ST6GALNAC5: variants seen among roughly 807,000 people sequenced by gnomAD.
The protein encoded by ST6GALNAC5 is ST6 N-acetylgalactosaminide alpha-2,6-sialyltransferase 5, also known as alpha-N-acetylgalactosaminide alpha-2,6-sialyltransferase 5.
A neutral mutation model predicts 33.6 loss-of-function variants in ST6GALNAC5; 27 were observed. The observed-to-expected ratio is 0.80, with a 90% CI of 0.59 to 1.11. The LOEUF (loss-of-function observed/expected upper bound fraction) is 1.11, where lower values mean the gene tolerates loss of function less well. ST6GALNAC5 is among the 50% of genes least tolerant of loss of function. The pLI is 0.00. For missense variants in ST6GALNAC5, 428 were observed against 454.0 expected (o/e 0.94, Z 0.52); for synonymous variants, 194 against 171.2 (o/e 1.13, Z -1.04).
At chr1:76,992,860 C>G (rs115457961) in intron 2 of ST6GALNAC5, among the ~76,000 whole-genome samples, 1,626 of 152,240 alleles carry the variant, frequency 0.011, 33 homozygotes, top group African/African-American at 0.037. Flanking sequence ...CTGTGTATTT[C>G]CCAAAACAGT....
At chr1:76,951,622 T>C (rs1407725692) in intron 2 of ST6GALNAC5, among the ~76,000 whole-genome samples, 1 of 152,098 alleles carries the variant, frequency 6.6e-6, no homozygotes, top group African/African-American at 2.4e-5. Flanking sequence ...ACACAAAGTA[T>C]AATAGATAAT....
At chr1:77,047,668 G>T (rs2100466305) in intron 3 of ST6GALNAC5, among the ~76,000 whole-genome samples, 1 of 152,238 alleles carries the variant, frequency 6.6e-6, no homozygotes, top group Middle Eastern at 3.4e-3. Flanking sequence ...TTGAATAAGG[G>T]TACATTAGGA....
At chr1:76,999,039 G>T (rs903528568) in intron 2 of ST6GALNAC5, among the ~76,000 whole-genome samples, 7 of 152,118 alleles carry the variant, frequency 4.6e-5, no homozygotes, top group African/African-American at 1.2e-4. Flanking sequence ...CAGACAGAGA[G>T]ATTCAATTTA....
chr1:76,958,625 T>C (rs1167855867), intron 2 of ST6GALNAC5, among the ~76,000 whole-genome samples: 4 of 152,160 alleles, frequency 2.6e-5, no homozygotes, highest in Admixed American at 6.5e-5. Context: ...TTTTTGTTTT[T>C]TAATAGTAGA....
chr1:77,029,934 T>C (rs1481623922), intron 2 of ST6GALNAC5, among the ~76,000 whole-genome samples: 2 of 152,232 alleles, frequency 1.3e-5, no homozygotes, highest in Non-Finnish European at 2.9e-5. Context: ...ATCACCATTA[T>C]GAATGTCATT....
intron 2 of ST6GALNAC5, among the ~76,000 whole-genome samples, chr1:76,883,728 T>C (rs1278839791): frequency 2.6e-5 from 4 of 152,174 alleles, no homozygotes; most frequent in African/African-American, 9.7e-5. Flanking sequence ...CTTGATCCAG[T>C]TTATAGAAGA....
chr1:77,005,466 G>T (rs551468835), intron 2 of ST6GALNAC5, among the ~76,000 whole-genome samples: 4 of 152,224 alleles, frequency 2.6e-5, no homozygotes, highest in African/African-American at 9.6e-5. Context: ...CGCTCACGCT[G>T]GGAGCTGTAG....
chr1:76,874,288 G>T (rs1653576115), intron 2 of ST6GALNAC5, among the ~76,000 whole-genome samples: 1 of 152,020 alleles, frequency 6.6e-6, no homozygotes, highest in Non-Finnish European at 1.5e-5. Context: ...ATTTTCCTCG[G>T]CATGACATAG....
chr1:76,929,775 A>T (rs756692968), intron 2 of ST6GALNAC5, among the ~76,000 whole-genome samples: 34 of 152,114 alleles, frequency 2.2e-4, no homozygotes, highest in Non-Finnish European at 4.1e-4. Context: ...GATTGATTAT[A>T]TGTAGAAATA....
intron 2 of ST6GALNAC5, among the ~76,000 whole-genome samples, chr1:76,913,937 G>C (rs1646940850): frequency 6.6e-6 from 1 of 152,104 alleles, no homozygotes; most frequent in Admixed American, 6.6e-5. Context: ...TGTATATTTA[G>C]AAAACCCCAT....
chr1:76,954,470 C>A (rs1354672072), intron 2 of ST6GALNAC5, among the ~76,000 whole-genome samples: 1 of 152,018 alleles, frequency 6.6e-6, no homozygotes, highest in Non-Finnish European at 1.5e-5. Context: ...CAGCAAACCA[C>A]CATGGCACAC....
intron 2 of ST6GALNAC5, among the ~76,000 whole-genome samples, chr1:76,997,967 T>C (rs1463398648): frequency 6.6e-6 from 1 of 152,190 alleles, no homozygotes; most frequent in Admixed American, 6.5e-5. Context: ...TGATAGTGAC[T>C]TCTCATGAGA....
rs981631165 is a variant in ST6GALNAC5 at position 76,905,947 on chromosome 1, T to C, written c.261+37205T>C. Among the ~76,000 whole-genome samples the C allele has an allele frequency of 3.3e-5, 5 of 152,290 alleles. No individual in the cohort carries two copies. In the East Asian group the frequency reaches 9.7e-4, roughly 29 times the overall value. The stretch of plus-strand genomic sequence containing the variant: ...TGGTGTTAAGATGGAGAAAGGTGCC[T>C]TCTATCGTGCTGTTGCTGAATTCCC... On this transcript the variant is annotated intron_variant, in intron 2 of 4. Transcript: ENST00000477717.
At chr1:76,968,783 C>G (rs1485496056) in intron 2 of ST6GALNAC5, among the ~76,000 whole-genome samples, 1 of 152,150 alleles carries the variant, frequency 6.6e-6, no homozygotes, top group Non-Finnish European at 1.5e-5. Context: ...CTGGTGGTGA[C>G]AAAATCTCTC....
chr1:77,020,915 CTTG>C (rs922757126), intron 2 of ST6GALNAC5, among the ~76,000 whole-genome samples: 8 of 152,346 alleles, frequency 5.3e-5, no homozygotes, highest in East Asian at 1.9e-4. Context: ...CAGATGTCCT[CTTG>C]TTGTTACCCG....
chr1:76,899,181 T>G (rs1286696382), intron 2 of ST6GALNAC5, among the ~76,000 whole-genome samples: 1 of 151,888 alleles, frequency 6.6e-6, no homozygotes, highest in East Asian at 1.9e-4. Flanking sequence ...TGGTTAAATT[T>G]TAGGTCAGGT....
chr1:76,872,063 A>C, intron 2 of ST6GALNAC5, among the ~76,000 whole-genome samples: 1 of 140,708 alleles, frequency 7.1e-6, no homozygotes, highest in African/African-American at 2.7e-5. Context: ...ATGTATAACC[A>C]AGCTAACACA....
intron 2 of ST6GALNAC5, among the ~76,000 whole-genome samples, chr1:76,994,364 C>G (rs907693345): frequency 1.3e-5 from 2 of 152,080 alleles, no homozygotes; most frequent in Non-Finnish European, 2.9e-5. Flanking sequence ...TCCAAAATGA[C>G]TTTGTTGTAC....
At chr1:76,960,259 A>G (rs1648179950) in intron 2 of ST6GALNAC5, among the ~76,000 whole-genome samples, 1 of 152,132 alleles carries the variant, frequency 6.6e-6, no homozygotes, top group South Asian at 2.1e-4. Context: ...GAGACATCAC[A>G]TGTCAGCAGG....
Sources: allele counts gnomAD v4.1 joint callset (sites outside exome capture counted in the v4.1 genomes callset), GRCh38; gene constraint gnomAD v4.1.1; transcripts MANE v1.5; gene names NCBI Gene and HGNC (gene_info 2026-07-23, HGNC 2026-07-21).